Variants in VGLL4 observed in about 807,000 individuals in gnomAD.
VGLL4 encodes vestigial like family member 4.
Under a neutral mutation model 21.0 loss-of-function variants are expected in VGLL4, and 7 were observed. That is an observed-to-expected ratio of 0.33 (90% CI 0.19 to 0.63). The LOEUF (loss-of-function observed/expected upper bound fraction) is 0.63, where lower values mean the gene tolerates loss of function less well. Among genes scored for constraint, VGLL4 ranks in the 20% least tolerant of loss-of-function variants. VGLL4 has a pLI of 0.78. For synonymous variants in VGLL4, 222 were observed against 173.2 expected (o/e 1.28, Z -2.21); for missense variants, 394 against 425.7 (o/e 0.93, Z 0.66).
chr3:11,620,010 A>G (rs567561386), intron 1 of VGLL4, among the ~76,000 whole-genome samples: 1 of 151,488 alleles, frequency 6.6e-6, no homozygotes, highest in African/African-American at 2.4e-5. Flanking sequence ...TGGTGGCAGC[A>G]CCTGCAAAGA....
intron 2 of VGLL4, among the ~76,000 whole-genome samples, chr3:11,655,359 C>A (rs2075942417): frequency 1.3e-5 from 2 of 152,162 alleles, no homozygotes; most frequent in Admixed American, 1.3e-4. Flanking sequence ...GTTCAACATC[C>A]CAATGAGTTA....
At chr3:11,633,614 G>C (rs924784183) in intron 1 of VGLL4, 2 of 152,540 alleles carry the variant, frequency 1.3e-5, no homozygotes, top group Non-Finnish European at 2.9e-5. Flanking sequence ...AGGTTGCAGT[G>C]AGCCGAGATC....
intron 1 of VGLL4, among the ~76,000 whole-genome samples, chr3:11,639,935 T>C (rs1170926463): frequency 5.3e-5 from 8 of 152,092 alleles, no homozygotes; most frequent in East Asian, 1.9e-4. Context: ...AGAAGATTCA[T>C]AGAAGAGTCA....
intron 2 of VGLL4, among the ~76,000 whole-genome samples, chr3:11,674,274 T>A (rs951449000): frequency 2.0e-5 from 3 of 152,186 alleles, no homozygotes; most frequent in Admixed American, 1.3e-4. Flanking sequence ...GAGGACCACA[T>A]GAGACACAGC....
chr3:11,706,874 C>CT (rs2076767830), intron 1 of VGLL4, among the ~76,000 whole-genome samples: 1 of 152,194 alleles, frequency 6.6e-6, no homozygotes, highest in African/African-American at 2.4e-5. Flanking sequence ...GCAGCAGAAG[C>CT]TAAATTCAGG....
intron 2 of VGLL4, among the ~76,000 whole-genome samples, chr3:11,585,680 A>G (rs1366332872): frequency 2.6e-5 from 4 of 152,232 alleles, no homozygotes; most frequent in African/African-American, 9.6e-5. Flanking sequence ...CCTTTGGGGC[A>G]GGAAATCAAA....
chr3:11,641,075 C>T (rs59611992), intron 1 of VGLL4, among the ~76,000 whole-genome samples: 297 of 148,186 alleles, frequency 2.0e-3, no homozygotes, highest in African/African-American at 6.9e-3. Flanking sequence ...CAAGATCGCG[C>T]CATTGCACTC....
upstream of VGLL4, among the ~76,000 whole-genome samples, chr3:11,645,103 A>G (rs1340149395): frequency 6.6e-6 from 1 of 151,782 alleles, no homozygotes; most frequent in Non-Finnish European, 1.5e-5. Flanking sequence ...AGCACAACCA[A>G]GTTCAGGTGC....
At chr3:11,665,258 C>A (rs978559885) in intron 2 of VGLL4, among the ~76,000 whole-genome samples, 1 of 151,412 alleles carries the variant, frequency 6.6e-6, no homozygotes, top group South Asian at 2.1e-4. Context: ...GGACTACAGG[C>A]GCCTGCCACC....
At chr3:11,648,164 T>A (rs890795379), upstream of VGLL4, among the ~76,000 whole-genome samples, 1 of 152,192 alleles carries the variant, frequency 6.6e-6, no homozygotes, top group African/African-American at 2.4e-5. Context: ...TACGAATGAA[T>A]AAGTTTGATC....
Position 11,587,400 on chromosome 3 carries a change from C to T in VGLL4, c.272+14433G>A, listed in dbSNP as rs184279451. ...GAGTGTCTGTGTTTCTATCACTGGA[C>T]GTAACTTGCTCAAAAGCCAACGGCC... On this transcript the variant is annotated intron_variant, in intron 2 of 4. Transcript: ENST00000430365. 2.1e-3 allele frequency among the ~76,000 whole-genome samples: 326 copies of T among 152,274 alleles called. 2 individuals are homozygous for T. Among genetic ancestry groups the T allele is most frequent in the African/African-American group, 7.4e-3 (309 of 41,536 alleles).
At chr3:11,638,853 A>G (rs1339905090) in intron 1 of VGLL4, among the ~76,000 whole-genome samples, 1 of 152,182 alleles carries the variant, frequency 6.6e-6, no homozygotes, top group Non-Finnish European at 1.5e-5. Context: ...ACAAAAGATC[A>G]CAGGGTCTCA....
At position 11,719,513 on chromosome 3, in the gene VGLL4, A is replaced by G. The variant is rs2076964289; in HGVS notation, c.-14+881T>C. The G allele has an allele frequency of 6.6e-6, 1 of 150,996 alleles. No individual in the cohort carries two copies. The highest frequency in any genetic ancestry group is 2.1e-4 in the South Asian group (1 of 4,822). The allele number at this position is 150,996 out of a possible 1,614,324, so 9.4% of individuals were successfully genotyped here. A position where few individuals can be genotyped will look rare whatever the true frequency, so the allele number is the denominator to read the frequency against. On this transcript the variant is annotated intron_variant, in intron 1 of 5. Transcript: ENST00000273038. This position sits in a 1 kb window ranked among gnomAD's most constrained non-coding sequence, Gnocchi z 4.0. ...ACCTGGGCACGCGGGGCGCACCCCG[A>G]GGGCGCGCAGACGCACAGGCGGGCT... is the stretch of plus-strand genomic sequence containing the variant.
chr3:11,620,373 C>G lies in VGLL4; in HGVS notation c.83-18351G>C, dbSNP rs545518152. On this transcript the variant is annotated intron_variant, in intron 1 of 4. Coordinates refer to ENST00000430365, the MANE Select transcript of VGLL4 (RefSeq NM_001128219.3). ...TGAACAAAATCCTGCAAGGTCGGCA[C>G]AGCCTGAGGGGGCAACAGCACAGCA... 2.6e-5 allele frequency among the ~76,000 whole-genome samples: 4 copies of G among 152,280 alleles called. No homozygotes were observed. In the South Asian group the frequency reaches 8.3e-4, roughly 32 times the overall value.
intron 1 of VGLL4, among the ~76,000 whole-genome samples, chr3:11,717,676 T>C (rs1051740362): frequency 1.3e-5 from 2 of 152,012 alleles, no homozygotes; most frequent in Non-Finnish European, 2.9e-5. Flanking sequence ...TACATAATTA[T>C]CATGTCTGTA....
chr3:11,714,996 A>G (rs1279530837), intron 1 of VGLL4, among the ~76,000 whole-genome samples: 4 of 152,136 alleles, frequency 2.6e-5, no homozygotes, highest in South Asian at 4.2e-4. Flanking sequence ...TTAGCCAGGC[A>G]CGGTGGCGGG....
chr3:11,696,300 A>C (rs963975210), intron 2 of VGLL4, among the ~76,000 whole-genome samples: 2 of 152,176 alleles, frequency 1.3e-5, no homozygotes, highest in African/African-American at 4.8e-5. Flanking sequence ...CCCTATTCTA[A>C]GCCTTTATTA....
chr3:11,605,658 A>C (rs1328955715), intron 1 of VGLL4, among the ~76,000 whole-genome samples: 1 of 151,806 alleles, frequency 6.6e-6, no homozygotes, highest in Non-Finnish European at 1.5e-5. Flanking sequence ...GAAACTTATC[A>C]CTCTGGTGCT....
chr3:11,645,187 TAGAA>T (rs1418124856), upstream of VGLL4, among the ~76,000 whole-genome samples: 3 of 63,026 alleles, frequency 4.8e-5, no homozygotes, highest in East Asian at 1.5e-3. Flanking sequence ...GTTAACAAAA[TAGAA>T]AAAAAAAAAA....
Sources: gnomAD v4.1 joint callset for allele counts (sites outside exome capture counted in the v4.1 genomes callset) on GRCh38, gnomAD v4.1.1 for gene constraint, Gnocchi (gnomAD v3.1) non-coding constraint, MANE v1.5 for transcripts, NCBI Gene and HGNC (gene_info 2026-07-23, HGNC 2026-07-21) for gene names.